PTPRD: variants seen among roughly 807,000 people sequenced by gnomAD.
The protein encoded by PTPRD is protein tyrosine phosphatase receptor type D.
Under a neutral mutation model 214.5 loss-of-function variants are expected in PTPRD, and 34 were observed. That is an observed-to-expected ratio of 0.16 (90% CI 0.12 to 0.21). The LOEUF (loss-of-function observed/expected upper bound fraction) is 0.21, where lower values mean the gene tolerates loss of function less well. Among genes scored for constraint, PTPRD ranks in the 10% least tolerant of loss-of-function variants. PTPRD has a pLI of 1.00. For synonymous variants in PTPRD, 1,128 were observed against 845.7 expected, an observed-to-expected ratio of 1.33 and a Z score of -5.79; for missense variants, 2,545 against 2,398.7, an observed-to-expected ratio of 1.06 and a Z score of -1.27.
intron 4 of PTPRD, among the ~76,000 whole-genome samples, chr9:9,982,501 T>C (rs993292701): frequency 5.9e-5 from 9 of 151,490 alleles, no homozygotes; most frequent in African/African-American, 1.9e-4. Context: ...TGTGTGTGTG[T>C]GTGTGTGTGT....
At chr9:9,956,548 G>A (rs1009414915) in intron 4 of PTPRD, among the ~76,000 whole-genome samples, 5 of 151,976 alleles carry the variant, frequency 3.3e-5, no homozygotes, top group Admixed American at 6.6e-5. Context: ...AATTAATACA[G>A]AAGATACATA....
At chr9:8,635,723 G>GCTTC (rs1564871943) in intron 13 of PTPRD, among the ~76,000 whole-genome samples, 39 of 152,170 alleles carry the variant, frequency 2.6e-4, no homozygotes, top group African/African-American at 9.2e-4. Flanking sequence ...AGAAACTCAG[G>GCTTC]TAAAAGGGAG....
At chr9:10,354,806 T>C (rs906693274) in intron 2 of PTPRD, among the ~76,000 whole-genome samples, 1 of 152,200 alleles carries the variant, frequency 6.6e-6, no homozygotes, top group Non-Finnish European at 1.5e-5. Context: ...CTGACAGTTC[T>C]AATGGAGAGA....
At chr9:8,757,305 T>G (rs890961257) in intron 11 of PTPRD, among the ~76,000 whole-genome samples, 4 of 152,134 alleles carry the variant, frequency 2.6e-5, no homozygotes, top group Non-Finnish European at 5.9e-5. Context: ...AAAAGCACGA[T>G]AATATGTGTT....
At chr9:10,416,287 G>C (rs1203027605) in intron 2 of PTPRD, among the ~76,000 whole-genome samples, 3 of 151,928 alleles carry the variant, frequency 2.0e-5, no homozygotes, top group African/African-American at 4.8e-5. Context: ...GAACCTGGGA[G>C]GCAGAGTGTT....
chr9:8,730,174 T>A (rs2098640171), intron 12 of PTPRD, among the ~76,000 whole-genome samples: 1 of 151,936 alleles, frequency 6.6e-6, no homozygotes, highest in Admixed American at 6.6e-5. Flanking sequence ...GAGAATGGCG[T>A]GAACCCAGGA....
At chr9:8,743,896 G>C (rs184283219) in intron 11 of PTPRD, among the ~76,000 whole-genome samples, 1 of 151,166 alleles carries the variant, frequency 6.6e-6, no homozygotes, top group Admixed American at 6.6e-5. Context: ...CATCGACATA[G>C]GACTAATATC....
At chr9:10,440,150 C>T (rs2098749333) in intron 2 of PTPRD, among the ~76,000 whole-genome samples, 2 of 151,384 alleles carry the variant, frequency 1.3e-5, no homozygotes, top group South Asian at 4.2e-4. Context: ...ACTGCTCTGG[C>T]AATATAATAA....
chr9:8,592,075 G>A (rs2094147621), intron 14 of PTPRD, among the ~76,000 whole-genome samples: 1 of 151,938 alleles, frequency 6.6e-6, no homozygotes, highest in South Asian at 2.1e-4. Context: ...ATCAAAATAT[G>A]GTGACTTTAA....
intron 23 of PTPRD, 83 bp from the exon 24 acceptor site, chr9:8,501,142 G>A (rs548701830): frequency 9.5e-6 from 10 of 1,049,788 alleles, no homozygotes; most frequent in South Asian, 1.7e-5. Context: ...CAAAAGAAAA[G>A]GCAAAAATAA....
intron 11 of PTPRD, among the ~76,000 whole-genome samples, chr9:8,908,994 T>C (rs985521606): frequency 1.3e-5 from 2 of 150,530 alleles, no homozygotes; most frequent in African/African-American, 4.8e-5. Context: ...ATATAAAATA[T>C]ATAATTATGG....
chr9:9,235,322 G>C (rs966222321), intron 9 of PTPRD, among the ~76,000 whole-genome samples: 2 of 152,178 alleles, frequency 1.3e-5, no homozygotes, highest in African/African-American at 4.8e-5. Context: ...TTCAAGATGA[G>C]ATTTGGGTGG....
At chr9:10,546,872 C>T (rs992752468) in intron 2 of PTPRD, among the ~76,000 whole-genome samples, 1 of 152,042 alleles carries the variant, frequency 6.6e-6, no homozygotes, top group African/African-American at 2.4e-5. Flanking sequence ...CCCATTACAA[C>T]CCTAACTAGT....
At chr9:9,655,328 G>A (rs117174194) in intron 7 of PTPRD, among the ~76,000 whole-genome samples, 9,181 of 152,184 alleles carry the variant, frequency 0.06, 382 homozygotes, top group Non-Finnish European at 0.089. Flanking sequence ...CCAACACTTC[G>A]GGAGGTCAAG....
intron 2 of PTPRD, among the ~76,000 whole-genome samples, chr9:10,529,154 A>G (rs116520564): frequency 0.023 from 3,542 of 152,252 alleles, 130 homozygotes; most frequent in African/African-American, 0.081. Flanking sequence ...TTTTAAATGC[A>G]AGAACTCAAC....
chr9:8,715,663 A>G (rs1044934974), intron 12 of PTPRD, among the ~76,000 whole-genome samples: 5 of 152,176 alleles, frequency 3.3e-5, no homozygotes, highest in African/African-American at 1.2e-4. Context: ...CAGGCCAACG[A>G]TCTACCACAG....
chr9:9,836,040 G>A (rs770296004), intron 5 of PTPRD, among the ~76,000 whole-genome samples: 9 of 152,136 alleles, frequency 5.9e-5, no homozygotes, highest in Non-Finnish European at 1.3e-4. Context: ...TTTTAAAAGT[G>A]TATGTTACTG....
At chr9:9,004,531 T>C (rs1340410795) in intron 11 of PTPRD, among the ~76,000 whole-genome samples, 1 of 152,014 alleles carries the variant, frequency 6.6e-6, no homozygotes, top group East Asian at 1.9e-4. Flanking sequence ...TCCGGAATGA[T>C]TGCATCCCAT....
chr9:9,513,730 C>G (rs1039349917), intron 8 of PTPRD, among the ~76,000 whole-genome samples: 1 of 151,832 alleles, frequency 6.6e-6, no homozygotes, highest in African/African-American at 2.4e-5. Context: ...ATAGATAGCA[C>G]CAAAATTCCA....
Sources: allele counts gnomAD v4.1 joint callset (sites outside exome capture counted in the v4.1 genomes callset), GRCh38; gene constraint gnomAD v4.1.1; transcripts MANE v1.5; gene names NCBI Gene and HGNC (gene_info 2026-07-23, HGNC 2026-07-21).